EML6: variants seen among roughly 807,000 people sequenced by gnomAD.
EML6 encodes echinoderm microtubule-associated protein-like 6.
In EML6, 154 loss-of-function variants were observed where a neutral mutation model predicts 240.1. The ratio of observed to expected loss-of-function variants is 0.64; its 90% CI spans 0.56 to 0.73. EML6 has a LOEUF of 0.73. EML6 is among the 30% of genes least tolerant of loss of function. EML6 has a pLI of 0.00. For missense variants in EML6, 2,964 were observed against 2,474.6 expected (o/e 1.20, Z -4.20); for synonymous variants, 1,148 against 899.0 (o/e 1.28, Z -4.95).
chr2:54,811,825 T>C (rs1380457674), intron 2 of EML6, among the ~76,000 whole-genome samples: 1 of 152,214 alleles, frequency 6.6e-6, no homozygotes, highest in African/African-American at 2.4e-5. Flanking sequence ...CCTTTCTTAT[T>C]GATAATCTCT....
intron 36 of EML6, 66 bp from the exon 37 acceptor site, chr2:54,963,920 G>A: frequency 6.9e-7 from 1 of 1,448,854 alleles, no homozygotes; most frequent in Non-Finnish European, 9.2e-7. Flanking sequence ...GCCTGGTGCA[G>A]AATGTCTCCT....
chr2:54,730,625 G>C (rs774234707), intron 2 of EML6, among the ~76,000 whole-genome samples: 6 of 152,170 alleles, frequency 3.9e-5, no homozygotes, highest in Admixed American at 2.6e-4. Context: ...CCATCCTACT[G>C]CTCATTGGAT....
rs887271759 is a variant in EML6, at chr2:54,895,068, G to C, written c.2854+42G>C. ...TGTAATAGAGATCTTTGTATTCATAGGGATGGAGAAGATTGTACTAAAGTT... is the reference window on the plus strand; with the variant it reads ...TGTAATAGAGATCTTTGTATTCATACGGATGGAGAAGATTGTACTAAAGTT... On this transcript the variant is annotated intron_variant, in intron 20 of 41. Transcript: ENST00000356458. 6 of 1,450,174 alleles carry C rather than the reference G, an allele frequency of 4.1e-6. No homozygotes were observed. The African/African-American group carries it at 4.2e-5, about 10-fold the overall frequency. The allele number at this position is 1,450,174 out of a possible 1,614,324, so 89.8% of individuals were successfully genotyped here. A position where few individuals can be genotyped will look rare whatever the true frequency, so the allele number is the denominator to read the frequency against.
chr2:54,892,507 A>G lies in EML6; in HGVS notation c.2593A>G (p.Thr865Ala), dbSNP rs1364724196. 6.4e-7 allele frequency: 1 copy of G among 1,551,518 alleles called. No homozygotes were observed. Among genetic ancestry groups the G allele is most frequent in the Non-Finnish European group, 8.7e-7 (1 of 1,146,838 alleles). ...GTFGSVGKLE[T>A]MMCVSYGRME... ...TTTTGGAAGCGTTGGAAAATTGGAA[A>G]CAATGATGTGTGTTTCTTACGGACG... The change falls in exon 19 of 42, where the codon ACA becomes GCA. Residue 865 changes from threonine to alanine, a missense_variant. By Grantham distance (58) the Thr-to-Ala change is moderately conservative. Coordinates refer to ENST00000356458, the MANE Select transcript of EML6 (RefSeq NM_001039753.4).
intron 22 of EML6, among the ~76,000 whole-genome samples, 197 bp downstream of exon 22, chr2:54,899,979 G>A (rs1409890062): frequency 1.3e-5 from 2 of 152,282 alleles, no homozygotes; most frequent in East Asian, 3.9e-4. Context: ...GCCTAATCCA[G>A]CTCCATTTTT....
At chr2:54,937,595 G>GTTT (rs1461233036) in intron 28 of EML6, among the ~76,000 whole-genome samples, 1 of 133,280 alleles carries the variant, frequency 7.5e-6, no homozygotes, top group African/African-American at 2.7e-5. Context: ...AGAAAAGTTA[G>GTTT]TTTTTAATGC....
At chr2:54,741,206 C>G (rs1683613798) in intron 2 of EML6, among the ~76,000 whole-genome samples, 1 of 152,092 alleles carries the variant, frequency 6.6e-6, no homozygotes, top group Non-Finnish European at 1.5e-5. Context: ...TGCTTCTGCC[C>G]TGGTCCACAT....
intron 28 of EML6, among the ~76,000 whole-genome samples, chr2:54,938,634 C>G (rs1359005521): frequency 6.6e-6 from 1 of 152,222 alleles, no homozygotes; most frequent in Non-Finnish European, 1.5e-5. Context: ...TACTTTGACA[C>G]GTCCACTATG....
At chr2:54,866,562 A>C (rs1399401300) in intron 13 of EML6, among the ~76,000 whole-genome samples, 1 of 152,220 alleles carries the variant, frequency 6.6e-6, no homozygotes, top group Non-Finnish European at 1.5e-5. Context: ...CAAATCAAGA[A>C]AGATTATTTT....
intron 2 of EML6, among the ~76,000 whole-genome samples, chr2:54,811,466 C>G (rs756126127): frequency 2.6e-5 from 4 of 152,188 alleles, no homozygotes; most frequent in South Asian, 4.1e-4. Flanking sequence ...ACTCCATCCT[C>G]CATCTTTCTC....
chr2:54,890,483 C>A (rs1478492912), intron 17 of EML6, among the ~76,000 whole-genome samples: 1 of 152,100 alleles, frequency 6.6e-6, no homozygotes, highest in African/African-American at 2.4e-5. Context: ...GGTTATAAAC[C>A]TACCTCTCTG....
At chr2:54,925,572 G>C (rs973264354) in intron 26 of EML6, among the ~76,000 whole-genome samples, 1 of 151,962 alleles carries the variant, frequency 6.6e-6, no homozygotes, top group African/African-American at 2.4e-5. Context: ...CATCTCTTCC[G>C]GGCATTTTTC....
chr2:54,939,343 G>C (rs1453768391), intron 28 of EML6, among the ~76,000 whole-genome samples: 1 of 152,232 alleles, frequency 6.6e-6, no homozygotes, highest in East Asian at 1.9e-4. Flanking sequence ...CAGTGGTGTT[G>C]AGGGTAGTTG....
intron 2 of EML6, among the ~76,000 whole-genome samples, chr2:54,791,811 T>C (rs1669472108): frequency 6.6e-6 from 1 of 152,236 alleles, no homozygotes; most frequent in Admixed American, 6.5e-5. Flanking sequence ...ACAAAGTAGC[T>C]GTGCTCTTGG....
At chr2:54,934,223 T>C (rs1223802313) in intron 28 of EML6, among the ~76,000 whole-genome samples, 1 of 152,152 alleles carries the variant, frequency 6.6e-6, no homozygotes, top group South Asian at 2.1e-4. Flanking sequence ...GGAAGTAACA[T>C]AATACTCTCT....
chr2:54,757,447 A>G (rs766434582), intron 2 of EML6, among the ~76,000 whole-genome samples: 1 of 152,214 alleles, frequency 6.6e-6, no homozygotes, highest in Non-Finnish European at 1.5e-5. Context: ...TTCCCCAGAA[A>G]GGAACCTCCA....
intron 2 of EML6, among the ~76,000 whole-genome samples, chr2:54,789,860 T>G (rs1281801506): frequency 6.6e-6 from 1 of 152,206 alleles, no homozygotes; most frequent in Non-Finnish European, 1.5e-5. Flanking sequence ...TCTACCTAAA[T>G]AGTAAGTACA....
rs1668502913 is a variant in EML6, at chr2:54,774,076, A to G, written c.198-39156A>G. ...AGAACACTTCCTGGAAGTTGCACAC[A>G]TGACTTCCATTTTCATCCCAGGGGC... On this transcript the variant is annotated intron_variant, in intron 2 of 41. Transcript: ENST00000356458. This position sits in a 1 kb window ranked among gnomAD's most constrained non-coding sequence, Gnocchi z 4.1. Among the ~76,000 whole-genome samples, 1 of 152,196 alleles carries G rather than the reference A, an allele frequency of 6.6e-6. No individual in the cohort carries two copies. Among genetic ancestry groups the G allele is most frequent in the African/African-American group, 2.4e-5 (1 of 41,436 alleles).
intron 26 of EML6, among the ~76,000 whole-genome samples, chr2:54,926,938 C>T (rs544180264): frequency 6.6e-6 from 1 of 152,270 alleles, no homozygotes; most frequent in South Asian, 2.1e-4. Flanking sequence ...TTCTCATGCT[C>T]TTTTACTTCT....
Sources: gnomAD v4.1 joint callset for allele counts (sites outside exome capture counted in the v4.1 genomes callset) on GRCh38, gnomAD v4.1.1 for gene constraint, Gnocchi (gnomAD v3.1) non-coding constraint, MANE v1.5 for transcripts, NCBI Gene and HGNC (gene_info 2026-07-23, HGNC 2026-07-21) for gene names.